Variants in BAIAP3 observed in about 807,000 individuals in gnomAD.
The protein encoded by BAIAP3 is BAI1 associated protein 3, also known as BAI1-associated protein 3.
A neutral mutation model predicts 149.7 loss-of-function variants in BAIAP3; 180 were observed. That is an observed-to-expected ratio of 1.20 (90% CI 1.07 to 1.36). BAIAP3 has a LOEUF of 1.36. BAIAP3 is among the 40% of genes most tolerant of loss of function. The pLI is 0.00. For missense variants in BAIAP3, 1,767 were observed against 1,563.4 expected (o/e 1.13, Z -2.20); for synonymous variants, 845 against 670.7 (o/e 1.26, Z -4.02).
rs777727969 is a variant in BAIAP3 at position 1,344,785 on chromosome 16, C to T, written c.1758-13C>T. On this transcript the variant is annotated splice_polypyrimidine_tract_variant and intron_variant, in intron 19 of 33. Coordinates refer to ENST00000426824, the MANE Select transcript of BAIAP3 (RefSeq NM_001199097.2). ...GGGGCGCAGGTGGATGAGGTGTGTC[C>T]CTTGCTCTGCAGCATCCTCAATGTG... 1.7e-5 allele frequency: 27 copies of T among 1,613,680 alleles called. No homozygotes were observed. The East Asian group carries it at 5.1e-4, about 31-fold the overall frequency.
rs1460232962 is a variant in BAIAP3, at chr16:1,347,792, C to A, written c.2996C>A (p.Ala999Asp). 6.2e-7 allele frequency: 1 copy of A among 1,607,488 alleles called. No homozygotes were observed. The highest frequency in any genetic ancestry group is 8.5e-7 in the Non-Finnish European group (1 of 1,176,144). Residue 999 changes from alanine to aspartate, a missense_variant, in exon 31 of 34, where the codon GCC becomes GAC. Transcript: ENST00000426824. ...EQRLAVEVLHAADLLPLDANG... is the reference protein window; with the variant it reads ...EQRLAVEVLHDADLLPLDANG... Reference sequence around the variant, plus strand: ...CGGCTGGCCGTGGAGGTGCTGCACGCCGCGGACCTGCTCCCCCTGGACGCC... The same window carrying A: ...CGGCTGGCCGTGGAGGTGCTGCACGACGCGGACCTGCTCCCCCTGGACGCC...
At chr16:1,343,153 T>A (rs2034046298) in intron 14 of BAIAP3, 137 bp downstream of exon 14, 3 of 1,107,130 alleles carry the variant, frequency 2.7e-6, no homozygotes, top group East Asian at 2.6e-5. Context: ...TAGGTGGGGC[T>A]GCGCTGATTG....
rs531812532 is a variant in BAIAP3 at position 1,346,776 on chromosome 16, C to G, written c.2643-71C>G. On this transcript the variant is annotated intron_variant, in intron 27 of 33. Transcript: ENST00000426824. The stretch of plus-strand genomic sequence containing the variant: ...CGGAGGCCCTGTGGGAGCTACTCCT[C>G]CAGGCCATTCTGCAGGTGGGGCCAG... 176 of 1,529,534 alleles carry G rather than the reference C, an allele frequency of 1.2e-4. No homozygotes were observed. The African/African-American group carries it at 2.3e-3, about 20-fold the overall frequency. The allele number at this position is 1,529,534 out of a possible 1,614,324, so 94.7% of individuals were successfully genotyped here. A position where few individuals can be genotyped will look rare whatever the true frequency, so the allele number is the denominator to read the frequency against.
chr16:1,337,336 C>T (rs1023214532), intron 1 of BAIAP3, among the ~76,000 whole-genome samples: 1 of 152,148 alleles, frequency 6.6e-6, no homozygotes, highest in African/African-American at 2.4e-5. Flanking sequence ...GCCAACATAG[C>T]GAAACCCCGT....
At chr16:1,345,198 T>C in intron 21 of BAIAP3, 51 bp from the exon 22 acceptor site, 5 of 1,609,018 alleles carry the variant, frequency 3.1e-6, no homozygotes, top group Non-Finnish European at 4.2e-6. Flanking sequence ...TGGAACGTGC[T>C]GGTTAAGGTG....
chr16:1,344,498 C>G lies in BAIAP3; in HGVS notation c.1632C>G (p.Ile544Met), dbSNP rs375850730. The G allele has an allele frequency of 6.2e-6, 10 of 1,613,238 alleles. No homozygotes were observed. Among genetic ancestry groups the G allele is most frequent in the Non-Finnish European group, 8.5e-6 (10 of 1,179,950 alleles). The change falls in exon 18 of 34, where the codon ATC becomes ATG. Residue 544 changes from isoleucine to methionine, a missense_variant. Ile to Met is a conservative substitution (Grantham distance 10). Transcript: ENST00000426824. ...KRGNREWYDR[I>M]LNDKSPREQP... ...GCAACCGTGAGTGGTACGACAGGAT[C>G]CTGAATGACAAGAGTCCCCGAGAGC...
At chr16:1,344,773 A>G in intron 19 of BAIAP3, 25 bp from the exon 20 acceptor site, 1 of 1,613,620 alleles carries the variant, frequency 6.2e-7, no homozygotes, top group East Asian at 2.2e-5. Flanking sequence ...GCGCAGGTGG[A>G]TGAGGTGTGT....
chr16:1,345,403 G>T, intron 22 of BAIAP3, 31 bp downstream of exon 22: 2 of 1,583,484 alleles, frequency 1.3e-6, no homozygotes, highest in South Asian at 1.1e-5. Context: ...AGGACACTGG[G>T]GCTGGTCCAG....
In BAIAP3 at chr16:1,341,822, C is replaced by T. The variant is rs140901822; in HGVS notation, c.732C>T (p.Phe244=). 381 of 1,612,302 alleles carry T rather than the reference C, an allele frequency of 2.4e-4. 2 individuals are homozygous for T. The African/African-American group carries it at 4.4e-3, about 18-fold the overall frequency. ...LNPVWKEHFL[F]EIEDVSTDQL... ...ATGGGCATCTCTGTTCTCCTTGTAG[C>T]GAGATTGAGGATGTGAGCACGGACC... is the stretch of plus-strand genomic sequence containing the variant. The change falls in exon 9 of 34, where the codon TTC becomes TTT. Residue 244 remains phenylalanine, a splice_region_variant and synonymous_variant. Coordinates refer to ENST00000426824, the MANE Select transcript of BAIAP3 (RefSeq NM_001199097.2).
chr16:1,336,814 A>G (rs1454771382), intron 1 of BAIAP3, among the ~76,000 whole-genome samples: 1 of 152,132 alleles, frequency 6.6e-6, no homozygotes, highest in African/African-American at 2.4e-5. Flanking sequence ...GTCCCGTGAG[A>G]ATGACTATGC....
At position 1,342,792 on chromosome 16, in the gene BAIAP3, G is replaced by T. The variant is rs764285177; in HGVS notation, c.1139G>T (p.Arg380Leu). The change falls in exon 13 of 34, where the codon CGG becomes CTG. Residue 380 changes from arginine (R) to leucine (L), a missense_variant. By Grantham distance (102) the Arg-to-Leu change is moderately radical (BLOSUM62 -2). Transcript: ENST00000426824. ...CTGCTGCTGCTCAGCCATCTGCTGC[G>T]GTTGGAGCACTCAGCAGAGGAGGTA... is the stretch of plus-strand genomic sequence containing the variant. ...SHLLLLSHLL[R>L]LEHSAEEPNS... The T allele has an allele frequency of 3.1e-6, 5 of 1,612,710 alleles. No homozygotes were observed. The highest frequency in any genetic ancestry group is 4.2e-6 in the Non-Finnish European group (5 of 1,180,006).
chr16:1,349,420 A>G lies in BAIAP3; in HGVS notation c.*938A>G. On this transcript the variant is annotated 3_prime_UTR_variant, in exon 34 of 34. Transcript: ENST00000426824. ...TTTCTCGTCACCCAGCCTCAAAAAT[A>G]TATGTGTCTGCAACCCTCAGTCTCT... 1 of 1,613,556 alleles carries G rather than the reference A, an allele frequency of 6.2e-7. No individual in the cohort carries two copies. Among genetic ancestry groups the G allele is most frequent in the Non-Finnish European group, 8.5e-7 (1 of 1,179,870 alleles).
intron 15 of BAIAP3, 119 bp from the exon 16 acceptor site, chr16:1,343,903 A>G: frequency 1.3e-6 from 2 of 1,491,066 alleles, no homozygotes; most frequent in Non-Finnish European, 1.8e-6. Flanking sequence ...GGTGCTGCTC[A>G]GAGCAGAGCT....
Position 1,345,070 on chromosome 16 carries a change from C to G in BAIAP3, c.1911C>G (p.Leu637=). 1 of 1,612,564 alleles carries G rather than the reference C, an allele frequency of 6.2e-7. No individual in the cohort carries two copies. The highest frequency in any genetic ancestry group is 8.5e-7 in the Non-Finnish European group (1 of 1,180,000). Residue 637 remains leucine (L), a synonymous_variant, in exon 21 of 34, where the codon CTC becomes CTG. Transcript: ENST00000426824. ...AGCTCTACCTGACCCTGGCTGACCT[C>G]CAGCGCTTCTGGGATAGCATCCCTG... The part of the protein sequence containing the change: ...LFELYLTLAD[L]QRFWDSIPGR...
At position 1,341,501 on chromosome 16, in the gene BAIAP3, G is replaced by A. The variant is rs374992188; in HGVS notation, c.731+12G>A. On this transcript the variant is annotated intron_variant, in intron 8 of 33. Transcript: ENST00000426824. ...GAGCACTTCCTCTTGTGAGGCCCTC[G>A]CCCGTCTGGGTGCGGGAGGGGGGCT... The A allele has an allele frequency of 3.3e-5, 53 of 1,600,212 alleles. No individual in the cohort carries two copies. The highest frequency in any genetic ancestry group is 9.4e-5 in the African/African-American group (7 of 74,856).
In BAIAP3 at chr16:1,348,577, ACG is replaced by A; in HGVS notation, c.*96_*97del. On this transcript the variant is annotated 3_prime_UTR_variant, in exon 34 of 34. Coordinates refer to ENST00000426824, the MANE Select transcript of BAIAP3 (RefSeq NM_001199097.2). ...GGCCAGCTTTGTGCAACCAGGGCCC[ACG>A]GCGCCCCTCCTGTGCTGTGACGTGT... is the stretch of plus-strand genomic sequence containing the variant. The A allele has an allele frequency of 8.1e-7, 1 of 1,234,578 alleles. No individual in the cohort carries two copies. The highest frequency in any genetic ancestry group is 1.2e-6 in the Non-Finnish European group (1 of 868,238). The allele number at this position is 1,234,578 out of a possible 1,614,324, so 76.5% of individuals were successfully genotyped here. A position where few individuals can be genotyped will look rare whatever the true frequency, so the allele number is the denominator to read the frequency against.
chr16:1,336,195 C>T (rs1410740188), intron 1 of BAIAP3: 37 of 985,204 alleles, frequency 3.8e-5, no homozygotes, highest in Non-Finnish European at 4.3e-5. Context: ...AGCGGCTGCT[C>T]CACTGGCTTC....
Position 1,347,816 on chromosome 16 carries a change from C to T in BAIAP3, c.3020C>T (p.Ala1007Val), listed in dbSNP as rs1363717963. Residue 1007 changes from alanine to valine, a missense_variant, in exon 31 of 34, where the codon GCC becomes GTC. Ala to Val is a moderately conservative substitution (Grantham distance 64). Transcript: ENST00000426824. ...GCCGCGGACCTGCTCCCCCTGGACGCCAACGGTGAGTTGCAGCGGGGACGG... is the reference window on the plus strand; with the variant it reads ...GCCGCGGACCTGCTCCCCCTGGACGTCAACGGTGAGTTGCAGCGGGGACGG... ...LHAADLLPLD[A>V]NGLSDPFVIV... The T allele has an allele frequency of 6.2e-7, 1 of 1,603,556 alleles. No homozygotes were observed. Among genetic ancestry groups the T allele is most frequent in the Non-Finnish European group, 8.5e-7 (1 of 1,173,540 alleles).
intron 5 of BAIAP3, among the ~76,000 whole-genome samples, chr16:1,340,696 T>C (rs1002081098): frequency 6.6e-6 from 1 of 152,206 alleles, no homozygotes; most frequent in Admixed American, 6.5e-5. Flanking sequence ...GTGGCCCCCA[T>C]TCCCACGCAT....
Sources: allele counts gnomAD v4.1 joint callset (sites outside exome capture counted in the v4.1 genomes callset), GRCh38; gene constraint gnomAD v4.1.1; transcripts MANE v1.5; gene names NCBI Gene and HGNC (gene_info 2026-07-23, HGNC 2026-07-21).